The following DYRK1A variants were observed in gnomAD, a reference collection of about 807,000 sequenced individuals.
DYRK1A encodes the protein dual specificity tyrosine phosphorylation regulated kinase 1A.
In DYRK1A, 9 loss-of-function variants were observed where a neutral mutation model predicts 79.7. The ratio of observed to expected loss-of-function variants is 0.11; its 90% CI spans 0.07 to 0.20. The LOEUF (loss-of-function observed/expected upper bound fraction) is 0.20, where lower values mean the gene tolerates loss of function less well. Among genes scored for constraint, DYRK1A ranks in the 10% least tolerant of loss-of-function variants. The pLI, the probability that DYRK1A is intolerant of heterozygous loss-of-function variation, is 1.00. For synonymous variants in DYRK1A, 349 were observed against 329.7 expected, an observed-to-expected ratio of 1.06 and a Z score of -0.63; for missense variants, 622 against 956.0, an observed-to-expected ratio of 0.65 and a Z score of 4.61.
At chr21:37,424,761 A>G (rs1350323122) in intron 2 of DYRK1A, among the ~76,000 whole-genome samples, 1 of 152,138 alleles carries the variant, frequency 6.6e-6, no homozygotes, top group Non-Finnish European at 1.5e-5. Context: ...TGTGCATAGT[A>G]TTTGGCTGTA....
intron 11 of DYRK1A, among the ~76,000 whole-genome samples, chr21:37,509,545 C>G (rs933318005): frequency 6.6e-6 from 1 of 152,200 alleles, no homozygotes; most frequent in Non-Finnish European, 1.5e-5. Context: ...CACCTGGGCT[C>G]AAGTGATCCT....
chr21:37,477,193 G>A (rs2052430018), intron 3 of DYRK1A, among the ~76,000 whole-genome samples: 2 of 152,044 alleles, frequency 1.3e-5, no homozygotes, highest in African/African-American at 4.8e-5. Flanking sequence ...CTGCCCCTCC[G>A]ATTGACCCGA....
At position 37,512,455 on chromosome 21, in the gene DYRK1A, T is replaced by C. The variant is rs764653772; in HGVS notation, c.2189T>C (p.Met730Thr). The C allele has an allele frequency of 3.1e-6, 5 of 1,614,092 alleles. No homozygotes were observed. The highest frequency in any genetic ancestry group is 4.2e-6 in the Non-Finnish European group (5 of 1,180,046). ...TACATGACTGAAGGACATCTGACAATGAGGCAAGGGGCTGATAGAGAAGAG... is the reference window on the plus strand; with the variant it reads ...TACATGACTGAAGGACATCTGACAACGAGGCAAGGGGCTGATAGAGAAGAG... ...AHYMTEGHLT[M>T]RQGADREESP... is the part of the protein sequence containing the mutation. The change falls in exon 12 of 12, where the codon ATG becomes ACG. Residue 730 changes from methionine (M) to threonine (T), a missense_variant. Coordinates refer to ENST00000647188, the MANE Select transcript of DYRK1A (RefSeq NM_001347721.2).
chr21:37,371,519 A>G (rs917023406), intron 1 of DYRK1A, among the ~76,000 whole-genome samples: 4 of 152,156 alleles, frequency 2.6e-5, no homozygotes, highest in African/African-American at 9.7e-5. Flanking sequence ...TTTTGGGCAT[A>G]TATGTTTTGC....
intron 11 of DYRK1A, among the ~76,000 whole-genome samples, chr21:37,510,212 A>T (rs952572174): frequency 6.6e-6 from 1 of 152,228 alleles, no homozygotes. Context: ...AATGTGATTT[A>T]TAATTTTGAT....
chr21:37,366,236 C>T (rs1169850173), upstream of DYRK1A: 7 of 150,040 alleles, frequency 4.7e-5, no homozygotes, highest in Non-Finnish European at 8.9e-5. Flanking sequence ...CGGGTCCCCG[C>T]CCGAAGGCCG....
At chr21:37,484,873 C>T (rs556656835) in intron 5 of DYRK1A, among the ~76,000 whole-genome samples, 2 of 152,266 alleles carry the variant, frequency 1.3e-5, no homozygotes, top group South Asian at 4.1e-4. Context: ...TGATACTTCC[C>T]CTCTTGGGCT....
At chr21:37,399,078 T>C (rs1438061613) in intron 1 of DYRK1A, among the ~76,000 whole-genome samples, 1 of 152,084 alleles carries the variant, frequency 6.6e-6, no homozygotes, top group African/African-American at 2.4e-5. Flanking sequence ...AGAGCTAAGA[T>C]TGGTTATGCA....
intron 1 of DYRK1A, among the ~76,000 whole-genome samples, chr21:37,411,772 A>G (rs1474793246): frequency 1.3e-5 from 2 of 152,214 alleles, no homozygotes; most frequent in Non-Finnish European, 2.9e-5. Context: ...AAGAATGACA[A>G]TTCCCTGCAG....
chr21:37,477,747 G>C (rs1040437844), intron 3 of DYRK1A, among the ~76,000 whole-genome samples: 1 of 152,138 alleles, frequency 6.6e-6, no homozygotes, highest in African/African-American at 2.4e-5. Context: ...GTGCCAGCTG[G>C]GTCCTGAAAT....
At chr21:37,417,523 C>CTTTTTCTTTTTCT (rs2050369920) in intron 1 of DYRK1A, among the ~76,000 whole-genome samples, 2 of 47,160 alleles carry the variant, frequency 4.2e-5, no homozygotes, top group Non-Finnish European at 4.0e-5. Context: ...TTTTCTTTTT[C>CTTTTTCTTTTTCT]TTTTTCTTTT....
At chr21:37,454,410 CAA>C (rs939725047) in intron 2 of DYRK1A, among the ~76,000 whole-genome samples, 1 of 152,024 alleles carries the variant, frequency 6.6e-6, no homozygotes, top group Non-Finnish European at 1.5e-5. Flanking sequence ...CTTTGAGTAA[CAA>C]AGTCTTATTT....
chr21:37,372,845 C>T (rs1055981133), intron 1 of DYRK1A, among the ~76,000 whole-genome samples: 3 of 152,118 alleles, frequency 2.0e-5, no homozygotes, highest in Admixed American at 6.5e-5. Flanking sequence ...AGGTAGTCTT[C>T]CTTGGCCATG....
At chr21:37,396,061 G>C (rs1380188681) in intron 1 of DYRK1A, among the ~76,000 whole-genome samples, 1 of 152,148 alleles carries the variant, frequency 6.6e-6, no homozygotes, top group Non-Finnish European at 1.5e-5. Context: ...CCATGTATCT[G>C]TTTTCTGTGT....
intron 6 of DYRK1A, chr21:37,488,519 G>T: frequency 1.1e-6 from 1 of 929,730 alleles, no homozygotes; most frequent in Non-Finnish European, 1.3e-6. Flanking sequence ...ACCTGCCATG[G>T]TCTAGTTAAA....
At chr21:37,484,123 T>C (rs1275958879) in intron 5 of DYRK1A, among the ~76,000 whole-genome samples, 2 of 152,086 alleles carry the variant, frequency 1.3e-5, no homozygotes, top group South Asian at 2.1e-4. Context: ...AATTGTGAAC[T>C]GTGCATGCGA....
In DYRK1A at chr21:37,512,159, C is replaced by G. The variant is rs1057523331; in HGVS notation, c.1893C>G (p.Ser631=). 1 of 1,614,208 alleles carries G rather than the reference C, an allele frequency of 6.2e-7. No homozygotes were observed. The highest frequency in any genetic ancestry group is 1.7e-5 in the Admixed American group (1 of 60,028). ...TCTACAATTCTCCAACGAATAGCTC[C>G]TCTACCCAAGATTCTATGGAGGTTG... ...PRVYNSPTNS[S]STQDSMEVGH... The change falls in exon 12 of 12, where the codon TCC becomes TCG. Residue 631 remains serine, a synonymous_variant. Coordinates refer to ENST00000647188, the MANE Select transcript of DYRK1A (RefSeq NM_001347721.2).
chr21:37,394,500 G>A (rs1003011417), intron 1 of DYRK1A, among the ~76,000 whole-genome samples: 17 of 152,130 alleles, frequency 1.1e-4, no homozygotes, highest in Admixed American at 1.0e-3. Context: ...GCCGTGGACC[G>A]GTACTGGTCT....
At position 37,513,210 on chromosome 21, in the gene DYRK1A, A is replaced by T. The variant is rs916215087; in HGVS notation, c.*679A>T. The T allele has an allele frequency of 2.0e-5, 3 of 152,662 alleles. No individual in the cohort carries two copies. Among genetic ancestry groups the T allele is most frequent in the African/African-American group, 7.2e-5 (3 of 41,406 alleles). 9.5% of individuals were successfully genotyped at this position (152,662 alleles called of 1,614,324 possible). A position where few individuals can be genotyped will look rare whatever the true frequency, so the allele number is the denominator to read the frequency against. ...TACTGAGGAGCAAAGCAGCAATTACATGGGATCCTGTGGCTCTCCCGTTGC... is the reference window on the plus strand; with the variant it reads ...TACTGAGGAGCAAAGCAGCAATTACTTGGGATCCTGTGGCTCTCCCGTTGC... On this transcript the variant is annotated 3_prime_UTR_variant, in exon 12 of 12. Transcript: ENST00000647188.
Sources: gnomAD v4.1 joint callset for allele counts (sites outside exome capture counted in the v4.1 genomes callset) on GRCh38, gnomAD v4.1.1 for gene constraint, MANE v1.5 for transcripts, NCBI Gene and HGNC (gene_info 2026-07-23, HGNC 2026-07-21) for gene names.